SLCO6A1: variants seen among roughly 807,000 people sequenced by gnomAD.
SLCO6A1 encodes the protein solute carrier organic anion transporter family member 6A1.
In SLCO6A1, 65 loss-of-function variants were observed where a neutral mutation model predicts 72.7. The ratio of observed to expected loss-of-function variants is 0.89; its 90% CI spans 0.73 to 1.10. SLCO6A1 has a LOEUF of 1.10. SLCO6A1 is among the 50% of genes least tolerant of loss of function. The pLI, the probability that SLCO6A1 is intolerant of heterozygous loss-of-function variation, is 0.00. For missense variants in SLCO6A1, 874 were observed against 872.6 expected, an observed-to-expected ratio of 1.00 and a Z score of -0.02; for synonymous variants, 314 against 298.2, an observed-to-expected ratio of 1.05 and a Z score of -0.55.
intron 6 of SLCO6A1, among the ~76,000 whole-genome samples, chr5:102,441,683 G>A (rs184057854): frequency 1.3e-5 from 2 of 151,978 alleles, no homozygotes; most frequent in East Asian, 3.9e-4. Context: ...ACATTAACAT[G>A]GTTTAGCTAT....
At chr5:102,479,692 AC>A (rs1291319913) in intron 2 of SLCO6A1, among the ~76,000 whole-genome samples, 2 of 152,044 alleles carry the variant, frequency 1.3e-5, no homozygotes, top group African/African-American at 4.8e-5. Context: ...CCATGGTAAA[AC>A]TGCAACCCTA....
intron 6 of SLCO6A1, among the ~76,000 whole-genome samples, chr5:102,454,008 C>T (rs149919792): frequency 6.6e-6 from 1 of 152,304 alleles, no homozygotes; most frequent in African/African-American, 2.4e-5. Flanking sequence ...TTCAGATCCC[C>T]ATGAATATAT....
intron 7 of SLCO6A1, among the ~76,000 whole-genome samples, chr5:102,428,806 A>G (rs1000725836): frequency 6.6e-6 from 1 of 152,180 alleles, no homozygotes; most frequent in African/African-American, 2.4e-5. Flanking sequence ...TCCTCTGGGT[A>G]TATATCCAGT....
chr5:102,457,190 G>T (rs534112728), intron 6 of SLCO6A1, among the ~76,000 whole-genome samples: 6 of 152,144 alleles, frequency 3.9e-5, no homozygotes, highest in Non-Finnish European at 8.8e-5. Context: ...ACATAGGCAT[G>T]GGCAAGGACT....
intron 2 of SLCO6A1, 47 bp from the exon 3 acceptor site, chr5:102,477,908 T>C (rs1436880571): frequency 1.3e-6 from 2 of 1,504,844 alleles, no homozygotes; most frequent in South Asian, 2.5e-5. Flanking sequence ...AACTCAAACA[T>C]AAAACAAATG....
At chr5:102,442,314 G>A (rs1478444689) in intron 6 of SLCO6A1, among the ~76,000 whole-genome samples, 1 of 152,154 alleles carries the variant, frequency 6.6e-6, no homozygotes, top group Non-Finnish European at 1.5e-5. Context: ...GTGTTTGTGT[G>A]TGTATGTGTG....
At chr5:102,475,442 C>T (rs1327542030) in intron 4 of SLCO6A1, among the ~76,000 whole-genome samples, 1 of 151,814 alleles carries the variant, frequency 6.6e-6, no homozygotes, top group Non-Finnish European at 1.5e-5. Flanking sequence ...TTGCAAGATG[C>T]AAAAATTCTA....
chr5:102,381,050 A>G (rs188809746), intron 12 of SLCO6A1, among the ~76,000 whole-genome samples: 1 of 152,078 alleles, frequency 6.6e-6, no homozygotes, highest in African/African-American at 2.4e-5. Context: ...AATGTATTTA[A>G]TATATTTATC....
chr5:102,394,357 C>T (rs1746943748), intron 10 of SLCO6A1, among the ~76,000 whole-genome samples: 1 of 152,118 alleles, frequency 6.6e-6, no homozygotes, highest in South Asian at 2.1e-4. Flanking sequence ...TTTGTAATAT[C>T]GTTACATGCT....
In SLCO6A1 at chr5:102,375,436, T is replaced by G. The variant is rs956503785; in HGVS notation, c.2018-1942A>C. On this transcript the variant is annotated intron_variant, in intron 12 of 13. Transcript: ENST00000506729. ...TAACAGAAGAAGGAAAATGTCTGTT[T>G]CTGAAGGCACATATTTATTTCAGTC... is the stretch of plus-strand genomic sequence containing the variant. Among the ~76,000 whole-genome samples, 5 of 152,276 alleles carry G rather than the reference T, an allele frequency of 3.3e-5. No homozygotes were observed. In the East Asian group the frequency reaches 9.7e-4, roughly 29 times the overall value.
chr5:102,389,937 G>A (rs1746657812), intron 11 of SLCO6A1, among the ~76,000 whole-genome samples: 1 of 151,862 alleles, frequency 6.6e-6, no homozygotes, highest in Non-Finnish European at 1.5e-5. Flanking sequence ...ACACAGTCTT[G>A]TTATATTGCC....
chr5:102,378,132 A>G (rs1359923197), intron 12 of SLCO6A1, among the ~76,000 whole-genome samples: 1 of 151,934 alleles, frequency 6.6e-6, no homozygotes, highest in Non-Finnish European at 1.5e-5. Flanking sequence ...CCTGGCTCAT[A>G]GTGATTTGCA....
intron 1 of SLCO6A1, among the ~76,000 whole-genome samples, chr5:102,483,258 G>C (rs1263137596): frequency 6.6e-6 from 1 of 152,116 alleles, no homozygotes. Flanking sequence ...TTACCAAATG[G>C]TCAAACCACT....
intron 7 of SLCO6A1, among the ~76,000 whole-genome samples, chr5:102,427,864 ATTTTTTTTTTTTTTT>A (rs1200200259): frequency 2.6e-5 from 2 of 76,264 alleles, no homozygotes; most frequent in African/African-American, 5.9e-5. Context: ...ATATATATAT[ATTTTTTTTTTTTTTT>A]TTTTTTTTGA....
At chr5:102,378,467 A>C (rs1219805031) in intron 12 of SLCO6A1, among the ~76,000 whole-genome samples, 1 of 152,140 alleles carries the variant, frequency 6.6e-6, no homozygotes, top group Non-Finnish European at 1.5e-5. Flanking sequence ...AAACAGTGTG[A>C]CCATCACTTG....
At chr5:102,476,106 G>A (rs759536516) in intron 3 of SLCO6A1, among the ~76,000 whole-genome samples, 5 of 151,930 alleles carry the variant, frequency 3.3e-5, no homozygotes, top group Non-Finnish European at 5.9e-5. Flanking sequence ...TGGGTATAGC[G>A]TACACTGCTT....
At chr5:102,410,401 C>A (rs974350715) in intron 9 of SLCO6A1, among the ~76,000 whole-genome samples, 3 of 152,122 alleles carry the variant, frequency 2.0e-5, no homozygotes, top group Non-Finnish European at 2.9e-5. Flanking sequence ...CTGATTTGTC[C>A]ATGGGTGGCC....
chr5:102,426,453 G>A (rs547333617), intron 7 of SLCO6A1, among the ~76,000 whole-genome samples: 26 of 152,192 alleles, frequency 1.7e-4, no homozygotes, highest in African/African-American at 6.3e-4. Context: ...CAAAAACTGG[G>A]CAAAGGATAT....
At position 102,388,751 on chromosome 5, in the gene SLCO6A1, CA is replaced by C; in HGVS notation, c.1953del (p.Cys651TrpfsTer20). The C allele has an allele frequency of 6.2e-7, 1 of 1,607,958 alleles. No individual in the cohort carries two copies. Among genetic ancestry groups the C allele is most frequent in the Non-Finnish European group, 8.5e-7 (1 of 1,177,792 alleles). On this transcript the variant is annotated frameshift_variant, in exon 12 of 14. Transcript: ENST00000506729. LOFTEE classifies it high-confidence loss of function. ...TSCILRDVNK[C>X]GHTGRCWIYN... is the part of the protein sequence containing the mutation. ...TATATCCAACAACGTCCTGTGTGTC[CA>C]CATTTATTAACATCCCGTAAAATAC...
Sources: gnomAD v4.1 joint callset for allele counts (sites outside exome capture counted in the v4.1 genomes callset) on GRCh38, gnomAD v4.1.1 for gene constraint, MANE v1.5 for transcripts, NCBI Gene and HGNC (gene_info 2026-07-23, HGNC 2026-07-21) for gene names.